The following SRGAP1 variants were observed in gnomAD, a reference collection of about 807,000 sequenced individuals.
SRGAP1 encodes the protein SLIT-ROBO Rho GTPase-activating protein 1.
A neutral mutation model predicts 121.9 loss-of-function variants in SRGAP1; 43 were observed. That is an observed-to-expected ratio of 0.35 (90% CI 0.28 to 0.46). The LOEUF is 0.46. Ranked by LOEUF, SRGAP1 falls within the 20% of genes least tolerant of loss-of-function variation. The probability of loss-of-function intolerance (pLI) is 1.00; values close to 1 mark genes in which losing one functional copy is unlikely to be tolerated. For missense variants in SRGAP1, 1,102 were observed against 1,350.9 expected, an observed-to-expected ratio of 0.82 and a Z score of 2.89; for synonymous variants, 447 against 485.4, an observed-to-expected ratio of 0.92 and a Z score of 1.04.
chr12:64,158,791 T>C lies in SRGAP1; in HGVS notation c.*16119T>C, dbSNP rs1178212500. On this transcript the variant is annotated 3_prime_UTR_variant, in exon 22 of 22. Transcript: ENST00000355086. The stretch of plus-strand genomic sequence containing the variant: ...CATCTTAAGAAGAAAAAAAAAGCAA[T>C]TACTTTTGCACCAACCTAATAAAAA... The C allele has an allele frequency of 6.6e-6, 1 of 151,438 alleles. No homozygotes were observed. Among genetic ancestry groups the C allele is most frequent in the African/African-American group, 2.4e-5 (1 of 41,104 alleles). The allele number at this position is 151,438 out of a possible 1,614,324, so 9.4% of individuals were successfully genotyped here.
intron 1 of SRGAP1, among the ~76,000 whole-genome samples, chr12:63,940,279 A>G (rs1407354169): frequency 6.6e-6 from 1 of 151,334 alleles, no homozygotes; most frequent in Non-Finnish European, 1.5e-5. Flanking sequence ...CCCATTTCTT[A>G]CTACTGAATT....
intron 1 of SRGAP1, among the ~76,000 whole-genome samples, chr12:63,960,358 C>G (rs1196068831): frequency 6.6e-6 from 1 of 152,096 alleles, no homozygotes; most frequent in African/African-American, 2.4e-5. Flanking sequence ...CCTTGCCCCT[C>G]CACCGCCAGC....
At position 64,159,129 on chromosome 12, in the gene SRGAP1, G is replaced by T. The variant is rs529874718; in HGVS notation, c.*16457G>T. 1.7e-3 allele frequency: 261 copies of T among 152,498 alleles called. 2 individuals carry two copies. Among genetic ancestry groups the T allele is most frequent in the Non-Finnish European group, 3.2e-3 (219 of 68,448 alleles). 9.4% of individuals were successfully genotyped at this position (152,498 alleles called of 1,614,324 possible). A position where few individuals can be genotyped will look rare whatever the true frequency, so the allele number is the denominator to read the frequency against. ...AGCCTAGGAGTTCAAGACCAGCCTG[G>T]GCAACATAGCAAGACCCCATCCCTA... On this transcript the variant is annotated 3_prime_UTR_variant, in exon 22 of 22. Coordinates refer to ENST00000355086, the MANE Select transcript of SRGAP1 (RefSeq NM_020762.4).
At chr12:64,043,056 C>A in intron 5 of SRGAP1, 84 bp downstream of exon 5, 1 of 912,530 alleles carries the variant, frequency 1.1e-6, no homozygotes, top group South Asian at 1.6e-5. Flanking sequence ...GATATCCACA[C>A]ATTGTAAGTT....
At chr12:64,121,007 C>CTTT (rs35809572) in intron 18 of SRGAP1, among the ~76,000 whole-genome samples, 5 of 115,994 alleles carry the variant, frequency 4.3e-5, no homozygotes, top group Middle Eastern at 4.9e-3. Flanking sequence ...TTCTTTGTGT[C>CTTT]TTTTTTTTTT....
chr12:64,019,304 CTT>C (rs2034489446), intron 4 of SRGAP1, among the ~76,000 whole-genome samples: 1 of 152,126 alleles, frequency 6.6e-6, no homozygotes, highest in Non-Finnish European at 1.5e-5. Context: ...CCTCAGAACT[CTT>C]ATCAATATCA....
At chr12:64,119,754 T>A (rs1156244292) in intron 18 of SRGAP1, among the ~76,000 whole-genome samples, 6 of 150,506 alleles carry the variant, frequency 4.0e-5, no homozygotes, top group Admixed American at 4.0e-4. Flanking sequence ...TTTTTATTTT[T>A]AAATATTATT....
intron 3 of SRGAP1, among the ~76,000 whole-genome samples, chr12:64,001,601 A>T (rs1462619830): frequency 6.6e-6 from 1 of 152,198 alleles, no homozygotes; most frequent in Non-Finnish European, 1.5e-5. Flanking sequence ...AAGCCTCCTA[A>T]GTGACAGCCA....
At chr12:64,126,290 T>C (rs1809637981) in intron 19 of SRGAP1, 133 bp downstream of exon 19, 1 of 966,444 alleles carries the variant, frequency 1.0e-6, no homozygotes, top group South Asian at 2.5e-5. Flanking sequence ...CTAGGCACAG[T>C]TCCTTACCTT....
chr12:64,066,310 C>G lies in SRGAP1; in HGVS notation c.1125+1091C>G, dbSNP rs75917384. ...GAAGTAGGACTGACTCTTCACTGAC[C>G]TGGCTGAAGTCATGCATACTTCTGG... On this transcript the variant is annotated intron_variant, in intron 8 of 21. Transcript: ENST00000355086. 2.3e-3 allele frequency among the ~76,000 whole-genome samples: 345 copies of G among 152,286 alleles called. 1 individual carries two copies. The highest frequency in any genetic ancestry group is 8.0e-3 in the African/African-American group (334 of 41,574).
chr12:64,014,787 T>C (rs1177604836), intron 3 of SRGAP1, among the ~76,000 whole-genome samples: 2 of 152,022 alleles, frequency 1.3e-5, no homozygotes, highest in Non-Finnish European at 2.9e-5. Context: ...TTGTTATTGT[T>C]CTGAAGTCTT....
At chr12:64,059,669 AAGAT>A (rs1487861496) in intron 6 of SRGAP1, among the ~76,000 whole-genome samples, 1 of 152,184 alleles carries the variant, frequency 6.6e-6, no homozygotes, top group Non-Finnish European at 1.5e-5. Flanking sequence ...TCTTTCTTGA[AAGAT>A]AGAATAATTT....
chr12:63,872,331 G>A (rs550188151), intron 1 of SRGAP1, among the ~76,000 whole-genome samples: 163 of 152,250 alleles, frequency 1.1e-3, no homozygotes, highest in Non-Finnish European at 1.8e-3. Flanking sequence ...AAATCCCCAA[G>A]TCACCAAGAA....
rs60933928 is a variant in SRGAP1 at position 63,948,883 on chromosome 12, CAT to C, written c.68-35053_68-35052del. 2.7e-3 allele frequency among the ~76,000 whole-genome samples: 160 copies of C among 58,744 alleles called. 2 individuals carry two copies. Among genetic ancestry groups the C allele is most frequent in the African/African-American group, 7.5e-3 (129 of 17,132 alleles). The allele number at this position is 58,744 out of a possible 152,430, so 38.5% of individuals were successfully genotyped here. ...ATATATATTCCATATATATATTTTCCATATATATATATTCCATATATATATTT... is the reference window on the plus strand; with the variant it reads ...ATATATATTCCATATATATATTTTCCATATATATATTCCATATATATATTT... On this transcript the variant is annotated intron_variant, in intron 1 of 21. Coordinates refer to ENST00000355086, the MANE Select transcript of SRGAP1 (RefSeq NM_020762.4).
chr12:63,864,764 A>G (rs908925449), intron 1 of SRGAP1, among the ~76,000 whole-genome samples: 3 of 152,166 alleles, frequency 2.0e-5, no homozygotes, highest in Non-Finnish European at 4.4e-5. Context: ...TAAACATAAT[A>G]TGCTGTATAG....
intron 15 of SRGAP1, 174 bp downstream of exon 15, chr12:64,097,549 G>C: frequency 3.0e-6 from 2 of 657,786 alleles, no homozygotes; most frequent in Non-Finnish European, 4.7e-6. Flanking sequence ...TCCCAGCTGT[G>C]GCCTCACCCT....
chr12:64,150,947 A>AAAAAAAAAAAC lies in SRGAP1; in HGVS notation c.*8285_*8286insCAAAAAAAAAA, dbSNP rs1565704589. Reference sequence around the variant, plus strand: ...GAGAAGCTATCTCAAAAAAAAAAAAAAAAAAAAAAAAAACATGGTCAAGAT... The same window carrying AAAAAAAAAAAC: ...GAGAAGCTATCTCAAAAAAAAAAAAAAAAAAAAAAACAAAAAAAAAAAAACATGGTCAAGAT... On this transcript the variant is annotated 3_prime_UTR_variant, in exon 22 of 22. Coordinates refer to ENST00000355086, the MANE Select transcript of SRGAP1 (RefSeq NM_020762.4). 37 of 147,926 alleles carry AAAAAAAAAAAC rather than the reference A, an allele frequency of 2.5e-4. 1 individual carries two copies. Among genetic ancestry groups the AAAAAAAAAAAC allele is most frequent in the African/African-American group, 8.3e-4 (34 of 40,810 alleles). The allele number at this position is 147,926 out of a possible 1,614,324, so 9.2% of individuals were successfully genotyped here.
In SRGAP1 at chr12:64,156,661, A is replaced by G. The variant is rs1052136995; in HGVS notation, c.*13989A>G. On this transcript the variant is annotated 3_prime_UTR_variant, in exon 22 of 22. Coordinates refer to ENST00000355086, the MANE Select transcript of SRGAP1 (RefSeq NM_020762.4). ...TTAATCTAGCCTTATTACACCGAGT[A>G]CAACAGGGAATAATAAGCCATCTAT... The G allele has an allele frequency of 6.6e-6, 1 of 152,244 alleles. No homozygotes were observed. Among genetic ancestry groups the G allele is most frequent in the Admixed American group, 6.5e-5 (1 of 15,292 alleles). The allele number at this position is 152,244 out of a possible 1,614,324, so 9.4% of individuals were successfully genotyped here.
At chr12:64,086,593 A>T (rs2035943356) in intron 10 of SRGAP1, among the ~76,000 whole-genome samples, 3 of 152,080 alleles carry the variant, frequency 2.0e-5, no homozygotes, top group African/African-American at 7.2e-5. Context: ...ATTTGAACCC[A>T]TCCTTCTCGC....
Sources: allele counts gnomAD v4.1 joint callset (sites outside exome capture counted in the v4.1 genomes callset), GRCh38; gene constraint gnomAD v4.1.1; transcripts MANE v1.5; gene names NCBI Gene and HGNC (gene_info 2026-07-23, HGNC 2026-07-21).